Variants in GFRA2 observed in about 807,000 individuals in gnomAD.
The protein encoded by GFRA2 is GDNF family receptor alpha 2.
Under a neutral mutation model 48.3 loss-of-function variants are expected in GFRA2, and 17 were observed. The ratio of observed to expected loss-of-function variants is 0.35; its 90% CI spans 0.24 to 0.53. GFRA2 has a LOEUF of 0.53. GFRA2 is among the 20% of genes least tolerant of loss of function. The pLI is 0.93. For synonymous variants in GFRA2, 305 were observed against 257.2 expected (o/e 1.19, Z -1.78); for missense variants, 660 against 637.3 (o/e 1.04, Z -0.38).
At chr8:21,747,801 C>T (rs73219546) in intron 4 of GFRA2, among the ~76,000 whole-genome samples, 29,161 of 149,716 alleles carry the variant, frequency 0.19, 2,892 homozygotes, top group Middle Eastern at 0.25. Flanking sequence ...CACACACACA[C>T]GCATGCACAC....
At chr8:21,746,142 G>C (rs1804993093) in intron 4 of GFRA2, among the ~76,000 whole-genome samples, 1 of 152,104 alleles carries the variant, frequency 6.6e-6, no homozygotes, top group Non-Finnish European at 1.5e-5. Context: ...GGAGGCCCCA[G>C]GCAAGTGAAG....
Position 21,788,867 on chromosome 8 carries a change from C to G in GFRA2, c.-708G>C, listed in dbSNP as rs936396494. ...CGCTCGCTCTTTGCTCTCGCTCTCT[C>G]CAGCTCTCCCTCGCTCTCCTCTCTC... On this transcript the variant is annotated 5_prime_UTR_variant, in exon 1 of 9. Coordinates refer to ENST00000524240, the MANE Select transcript of GFRA2 (RefSeq NM_001495.5). 3.9e-5 allele frequency: 34 copies of G among 881,666 alleles called. No homozygotes were observed. The highest frequency in any genetic ancestry group is 4.5e-5 in the Non-Finnish European group (33 of 735,558). 54.6% of individuals were successfully genotyped at this position (881,666 alleles called of 1,614,324 possible).
upstream of GFRA2, among the ~76,000 whole-genome samples, chr8:21,792,334 C>T (rs1168162620): frequency 2.6e-5 from 4 of 152,166 alleles, no homozygotes; most frequent in African/African-American, 4.8e-5. Context: ...AGATAAAAAT[C>T]GACCAGGAGT....
rs1807376239 is a variant in GFRA2 at position 21,788,094 on chromosome 8, C to G, written c.40+26G>C. ...CCTCCCCGGCTTCTCGCCTCCCCCT[C>G]GAGCTCGCCGCCCGCAGGTACTCAC... On this transcript the variant is annotated intron_variant, in intron 1 of 8. Coordinates refer to ENST00000524240, the MANE Select transcript of GFRA2 (RefSeq NM_001495.5). 2.1e-6 allele frequency: 3 copies of G among 1,400,088 alleles called. No individual in the cohort carries two copies. The South Asian group carries it at 3.8e-5, about 18-fold the overall frequency. The allele number at this position is 1,400,088 out of a possible 1,614,324, so 86.7% of individuals were successfully genotyped here. A position where few individuals can be genotyped will look rare whatever the true frequency, so the allele number is the denominator to read the frequency against.
At chr8:21,739,660 C>G (rs180778908) in intron 4 of GFRA2, among the ~76,000 whole-genome samples, 11 of 152,322 alleles carry the variant, frequency 7.2e-5, no homozygotes, top group Admixed American at 1.3e-4. Flanking sequence ...GCTGCCTCCC[C>G]CCTGGGGATG....
intron 4 of GFRA2, among the ~76,000 whole-genome samples, chr8:21,711,103 T>C (rs1377489887): frequency 6.6e-6 from 1 of 152,182 alleles, no homozygotes; most frequent in South Asian, 2.1e-4. Context: ...AGGCAAATGT[T>C]ATGCTTTTCA....
chr8:21,748,334 A>T (rs1054609315), intron 4 of GFRA2, among the ~76,000 whole-genome samples: 1 of 152,148 alleles, frequency 6.6e-6, no homozygotes, highest in African/African-American at 2.4e-5. Flanking sequence ...GAAACATGGT[A>T]GACATCATTC....
chr8:21,788,035 G>GC, intron 1 of GFRA2, 85 bp downstream of exon 1: 2 of 214,698 alleles, frequency 9.3e-6, no homozygotes, highest in South Asian at 7.8e-5. Flanking sequence ...CCGACCTCCC[G>GC]CCAGCCCCCC....
Position 21,750,924 on chromosome 8 carries a change from A to C in GFRA2, c.458T>G (p.Val153Gly), listed in dbSNP as rs752374299. The change falls in exon 4 of 9, where the codon GTG (valine) becomes GGG (glycine). Residue 153 changes from valine to glycine, a missense_variant. Val to Gly is a moderately radical substitution (Grantham distance 109, BLOSUM62 -3). Transcript: ENST00000524240. The surrounding 1 kb of genome is among the most constrained non-coding windows in gnomAD (Gnocchi z 5.7). Reference sequence around the variant, plus strand: ...GCAATGGTTGCTCTTGGCGCTGACCACCGGGTCTGCCCCTGTCCCTGGAGG... The same window carrying C: ...GCAATGGTTGCTCTTGGCGCTGACCCCCGGGTCTGCCCCTGTCCCTGGAGG... ...SIFSGTGADP[V>G]VSAKSNHCLD... 1.9e-6 allele frequency: 3 copies of C among 1,612,326 alleles called. No individual in the cohort carries two copies. In the African/African-American group the frequency reaches 4.0e-5, roughly 22 times the overall value.
intron 4 of GFRA2, among the ~76,000 whole-genome samples, chr8:21,712,461 G>A (rs1249069999): frequency 6.6e-6 from 1 of 152,008 alleles, no homozygotes; most frequent in Non-Finnish European, 1.5e-5. Context: ...TGGCCGGGAA[G>A]AGGCGCTCCT....
At chr8:21,776,921 A>G (rs1308477256) in intron 2 of GFRA2, among the ~76,000 whole-genome samples, 4 of 152,164 alleles carry the variant, frequency 2.6e-5, no homozygotes, top group African/African-American at 9.7e-5. Context: ...GTTACCAGCC[A>G]TTGCTATTTA....
chr8:21,710,827 T>C (rs1236925381), intron 4 of GFRA2, among the ~76,000 whole-genome samples: 2 of 152,202 alleles, frequency 1.3e-5, no homozygotes, highest in African/African-American at 2.4e-5. Context: ...TGTTCCTCCA[T>C]TGCGCCATCC....
At chr8:21,781,756 C>T (rs1183595221) in intron 2 of GFRA2, among the ~76,000 whole-genome samples, 3 of 152,220 alleles carry the variant, frequency 2.0e-5, no homozygotes. Context: ...TCTCAATAAA[C>T]ATGCATTCAA....
intron 3 of GFRA2, among the ~76,000 whole-genome samples, chr8:21,759,453 A>AGAGGGAGG (rs201696272): frequency 2.2e-5 from 2 of 91,096 alleles, no homozygotes; most frequent in Admixed American, 1.3e-4. Context: ...AGAGAGGGAG[A>AGAGGGAGG]GAGGGAGGGA....
At chr8:21,712,782 A>C (rs1585242346) in intron 4 of GFRA2, among the ~76,000 whole-genome samples, 1 of 152,220 alleles carries the variant, frequency 6.6e-6, no homozygotes, top group African/African-American at 2.4e-5. Context: ...AGGCTGGCGG[A>C]TCACTCGCGG....
At chr8:21,808,440 T>C (rs1392915516) in intron 1 of GFRA2, among the ~76,000 whole-genome samples, 1 of 152,238 alleles carries the variant, frequency 6.6e-6, no homozygotes, top group Non-Finnish European at 1.5e-5. Flanking sequence ...GTCCATCTTA[T>C]GGACAGGGAA....
chr8:21,809,578 C>T (rs376585663), intron 1 of GFRA2, among the ~76,000 whole-genome samples: 2 of 152,276 alleles, frequency 1.3e-5, no homozygotes, highest in East Asian at 3.9e-4. Context: ...CCGCCCGCCT[C>T]GGCCTCCCAA....
intron 2 of GFRA2, among the ~76,000 whole-genome samples, chr8:21,794,370 C>T (rs1292359317): frequency 2.0e-5 from 3 of 151,324 alleles, no homozygotes; most frequent in Admixed American, 1.3e-4. Context: ...CCTACCTCAG[C>T]CTCCCAAGTA....
intron 4 of GFRA2, among the ~76,000 whole-genome samples, chr8:21,712,046 T>G (rs896193525): frequency 6.6e-6 from 1 of 152,236 alleles, no homozygotes; most frequent in Non-Finnish European, 1.5e-5. Context: ...TTTTTCTTAG[T>G]ACAGAACAAA....
Sources: allele counts gnomAD v4.1 joint callset (sites outside exome capture counted in the v4.1 genomes callset), GRCh38; gene constraint gnomAD v4.1.1; non-coding constraint Gnocchi (gnomAD v3.1); transcripts MANE v1.5; gene names NCBI Gene and HGNC (gene_info 2026-07-23, HGNC 2026-07-21).